STIM2: variants seen among roughly 807,000 people sequenced by gnomAD.
The protein encoded by STIM2 is stromal interaction molecule 2.
Under a neutral mutation model 85.8 loss-of-function variants are expected in STIM2, and 31 were observed. The ratio of observed to expected loss-of-function variants is 0.36; its 90% CI spans 0.27 to 0.49. The LOEUF is 0.49. Among genes scored for constraint, STIM2 ranks in the 20% least tolerant of loss-of-function variants. STIM2 has a pLI of 0.98. For missense variants in STIM2, 841 were observed against 927.6 expected (o/e 0.91, Z 1.21); for synonymous variants, 356 against 331.1 (o/e 1.08, Z -0.82).
intron 3 of STIM2, among the ~76,000 whole-genome samples, chr4:26,983,871 A>C (rs1291278743): frequency 1.3e-5 from 2 of 152,220 alleles, no homozygotes; most frequent in African/African-American, 4.8e-5. Context: ...ATTACTGTGC[A>C]GTCAGTAAAT....
intron 10 of STIM2, among the ~76,000 whole-genome samples, 155 bp downstream of exon 10, chr4:27,009,157 A>G (rs1728475824): frequency 6.6e-6 from 1 of 152,178 alleles, no homozygotes; most frequent in Non-Finnish European, 1.5e-5. Flanking sequence ...AATATTTACT[A>G]TTTGAGAATA....
chr4:26,938,520 G>C (rs528131792), intron 2 of STIM2, among the ~76,000 whole-genome samples: 2 of 152,220 alleles, frequency 1.3e-5, no homozygotes, highest in South Asian at 4.1e-4. Context: ...ATAGTCTTAA[G>C]TTTTCCTATG....
At chr4:26,974,425 C>A (rs557883428) in intron 3 of STIM2, among the ~76,000 whole-genome samples, 3 of 152,194 alleles carry the variant, frequency 2.0e-5, no homozygotes, top group African/African-American at 7.2e-5. Context: ...GTAAGGCAGG[C>A]AGGCCTGGTG....
At chr4:26,874,678 TAAG>T (rs1302897011) in intron 1 of STIM2, among the ~76,000 whole-genome samples, 1 of 152,220 alleles carries the variant, frequency 6.6e-6, no homozygotes, top group Non-Finnish European at 1.5e-5. Flanking sequence ...TCACAGATTT[TAAG>T]AACATTAAAA....
At chr4:26,923,206 T>C (rs1724874139) in intron 2 of STIM2, among the ~76,000 whole-genome samples, 1 of 151,576 alleles carries the variant, frequency 6.6e-6, no homozygotes, top group Non-Finnish European at 1.5e-5. Flanking sequence ...AAAGGACATC[T>C]ACACCGAAAA....
chr4:26,874,469 A>C (rs1354136126), intron 1 of STIM2: 1 of 169,850 alleles, frequency 5.9e-6, no homozygotes, highest in Non-Finnish European at 1.3e-5. Context: ...GGTGACTGGT[A>C]ACTTCTAGTG....
chr4:26,977,917 T>A (rs1004747939), intron 3 of STIM2, among the ~76,000 whole-genome samples: 3 of 152,110 alleles, frequency 2.0e-5, no homozygotes, highest in Non-Finnish European at 4.4e-5. Context: ...CAGGAGAATG[T>A]GGGGACCTAG....
intron 7 of STIM2, among the ~76,000 whole-genome samples, chr4:27,003,389 ATGTT>A (rs1728226612): frequency 6.6e-6 from 1 of 152,314 alleles, no homozygotes; most frequent in Middle Eastern, 3.4e-3. Context: ...CATCTGTAAT[ATGTT>A]TAAGTTTCTG....
intron 1 of STIM2, among the ~76,000 whole-genome samples, chr4:26,890,402 G>A (rs1034768347): frequency 1.3e-5 from 2 of 152,058 alleles, no homozygotes; most frequent in African/African-American, 2.4e-5. Context: ...TGCCATGCAT[G>A]CCCCACTTTA....
At chr4:26,937,314 G>A (rs920422402) in intron 2 of STIM2, among the ~76,000 whole-genome samples, 2 of 152,136 alleles carry the variant, frequency 1.3e-5, no homozygotes, top group African/African-American at 2.4e-5. Flanking sequence ...AGTGGGAGTA[G>A]GGTTGTGAAT....
intron 3 of STIM2, among the ~76,000 whole-genome samples, chr4:26,984,953 T>G (rs1241027806): frequency 6.6e-6 from 1 of 152,230 alleles, no homozygotes; most frequent in Non-Finnish European, 1.5e-5. Context: ...AAGTGTATAT[T>G]TCTCTTTGGT....
At chr4:26,989,468 A>G (rs988253647) in intron 3 of STIM2, among the ~76,000 whole-genome samples, 2 of 152,206 alleles carry the variant, frequency 1.3e-5, no homozygotes, top group Non-Finnish European at 2.9e-5. Context: ...CCTCAACACA[A>G]TAAAGGCCAT....
intron 2 of STIM2, among the ~76,000 whole-genome samples, chr4:26,929,076 T>G (rs1478987052): frequency 6.6e-6 from 1 of 152,152 alleles, no homozygotes; most frequent in Non-Finnish European, 1.5e-5. Context: ...ACACTTGAAA[T>G]TTTGAAGGCT....
chr4:26,957,608 A>G lies in STIM2; in HGVS notation c.283-4A>G, dbSNP rs375581971. 54 of 1,439,558 alleles carry G rather than the reference A, an allele frequency of 3.8e-5. No homozygotes were observed. The highest frequency in any genetic ancestry group is 4.8e-5 in the Admixed American group (2 of 42,084). The allele number at this position is 1,439,558 out of a possible 1,614,324, so 89.2% of individuals were successfully genotyped here. On this transcript the variant is annotated splice_region_variant and splice_polypyrimidine_tract_variant and intron_variant, in intron 2 of 11. Coordinates refer to ENST00000467087, the MANE Select transcript of STIM2 (RefSeq NM_020860.4). ...TATTTAACTTAATGTTTTCTCTTCTATAGTTCATCAGAGAAGATATGAAAT... is the reference window on the plus strand; with the variant it reads ...TATTTAACTTAATGTTTTCTCTTCTGTAGTTCATCAGAGAAGATATGAAAT...
Position 26,900,607 on chromosome 4 carries a change from A to G in STIM2, c.152-18897A>G, listed in dbSNP as rs575065358. On this transcript the variant is annotated intron_variant, in intron 1 of 11. Transcript: ENST00000467087. ...TTACTTTAAAAACTATTACTTCAGT[A>G]TAATTTTAGTAAAATCTTAATTTAT... Among the ~76,000 whole-genome samples, 676 of 152,320 alleles carry G rather than the reference A, an allele frequency of 4.4e-3. 8 individuals carry two copies. Among genetic ancestry groups the G allele is most frequent in the African/African-American group, 0.016 (652 of 41,574 alleles).
chr4:26,986,981 A>G (rs780430926), intron 3 of STIM2, among the ~76,000 whole-genome samples: 1 of 152,250 alleles, frequency 6.6e-6, no homozygotes, highest in Non-Finnish European at 1.5e-5. Context: ...GGCAGCCCAT[A>G]TGATGTGCCA....
At chr4:26,938,935 T>G (rs990058682) in intron 2 of STIM2, among the ~76,000 whole-genome samples, 3 of 152,138 alleles carry the variant, frequency 2.0e-5, no homozygotes, top group African/African-American at 7.2e-5. Flanking sequence ...ATTTTAAAAT[T>G]TTTAACTTGT....
chr4:26,990,218 A>G (rs1359004550), intron 3 of STIM2, among the ~76,000 whole-genome samples: 1 of 152,186 alleles, frequency 6.6e-6, no homozygotes, highest in East Asian at 1.9e-4. Context: ...TTACAAAGCT[A>G]TAATAACCAA....
intron 1 of STIM2, among the ~76,000 whole-genome samples, chr4:26,870,124 G>GGCTA (rs1437305065): frequency 6.6e-6 from 1 of 152,058 alleles, no homozygotes; most frequent in African/African-American, 2.4e-5. Context: ...GGTTACCAGG[G>GGCTA]GCTAGGGAAA....
Sources: allele counts gnomAD v4.1 joint callset (sites outside exome capture counted in the v4.1 genomes callset), GRCh38; gene constraint gnomAD v4.1.1; transcripts MANE v1.5; gene names NCBI Gene and HGNC (gene_info 2026-07-23, HGNC 2026-07-21).